Variants in ACTA2 observed in about 807,000 individuals in gnomAD.
The protein encoded by ACTA2 is actin alpha 2, smooth muscle, also known as actin, aortic smooth muscle.
Under a neutral mutation model 39.5 loss-of-function variants are expected in ACTA2, and 12 were observed. The observed-to-expected ratio is 0.30, with a 90% CI of 0.19 to 0.49. The LOEUF (loss-of-function observed/expected upper bound fraction) is 0.49. ACTA2 is among the 20% of genes least tolerant of loss of function. The pLI, the probability that ACTA2 is intolerant of heterozygous loss-of-function variation, is 0.99. For synonymous variants in ACTA2, 158 were observed against 180.6 expected (o/e 0.88, Z 1.00); for missense variants, 236 against 498.8 (o/e 0.47, Z 5.02).
chr10:88,940,792 G>T, intron 6 of ACTA2: 1 of 282,512 alleles, frequency 3.5e-6, no homozygotes, highest in Non-Finnish European at 7.0e-6. Context: ...ATGTGATATA[G>T]GGTCTATTAT....
intron 1 of ACTA2, among the ~76,000 whole-genome samples, chr10:88,972,456 A>T (rs953457234): frequency 6.6e-6 from 1 of 152,124 alleles, no homozygotes; most frequent in African/African-American, 2.4e-5. Flanking sequence ...TATTTGATAC[A>T]GTTCGATTTA....
chr10:88,941,713 G>A lies in ACTA2; in HGVS notation c.454+72C>T, dbSNP rs776477704. The A allele has an allele frequency of 4.5e-5, 61 of 1,356,690 alleles. No individual in the cohort carries two copies. The Admixed American group carries it at 1.0e-3, about 23-fold the overall frequency. The allele number at this position is 1,356,690 out of a possible 1,614,324, so 84.0% of individuals were successfully genotyped here. A position where few individuals can be genotyped will look rare whatever the true frequency, so the allele number is the denominator to read the frequency against. On this transcript the variant is annotated intron_variant, in intron 5 of 8. Transcript: ENST00000224784. Reference sequence around the variant, plus strand: ...CTCAACTCCAGTCCGTCACCCCCACGTGTTAACGACCATTCAATCCCATCT... The same window carrying A: ...CTCAACTCCAGTCCGTCACCCCCACATGTTAACGACCATTCAATCCCATCT...
Position 88,970,898 on chromosome 10 carries a change from T to C in ACTA2, c.-24+20041A>G, listed in dbSNP as rs572090793. Among the ~76,000 whole-genome samples the C allele has an allele frequency of 1.6e-4, 24 of 146,056 alleles. 1 individual carries two copies. The South Asian group carries it at 5.1e-3, about 31-fold the overall frequency. On this transcript the variant is annotated intron_variant, in intron 1 of 4. Transcript: ENST00000415557. ...AAGTGTGTGTGTGTGTGTGTGTGTGTATATATATAAAGAATTCCCCACTTA... is the reference window on the plus strand; with the variant it reads ...AAGTGTGTGTGTGTGTGTGTGTGTGCATATATATAAAGAATTCCCCACTTA...
chr10:88,979,468 T>C (rs554327102), intron 1 of ACTA2, among the ~76,000 whole-genome samples: 2 of 152,180 alleles, frequency 1.3e-5, no homozygotes, highest in Non-Finnish European at 2.9e-5. Context: ...CCTTAAAATG[T>C]AGGCTACTCA....
At chr10:88,975,543 G>A (rs374043481) in intron 1 of ACTA2, among the ~76,000 whole-genome samples, 2 of 152,310 alleles carry the variant, frequency 1.3e-5, no homozygotes, top group South Asian at 2.1e-4. Context: ...GGCATGGAGA[G>A]CAAAGGGAAC....
chr10:88,979,774 A>G (rs997596219), intron 1 of ACTA2, among the ~76,000 whole-genome samples: 2 of 152,216 alleles, frequency 1.3e-5, no homozygotes, highest in African/African-American at 4.8e-5. Context: ...CCATTTGTTT[A>G]GTCCTGACTC....
intron 1 of ACTA2, among the ~76,000 whole-genome samples, chr10:88,976,841 A>C (rs1846575956): frequency 6.6e-6 from 1 of 152,262 alleles, no homozygotes; most frequent in African/African-American, 2.4e-5. Flanking sequence ...ATTGAATAAA[A>C]TAATTCTTTC....
chr10:88,953,108 G>C (rs1006597437), upstream of ACTA2, among the ~76,000 whole-genome samples: 2 of 152,256 alleles, frequency 1.3e-5, no homozygotes, highest in African/African-American at 4.8e-5. Flanking sequence ...GAGGATGCCA[G>C]CTTGCTATCA....
chr10:88,941,455 T>A, intron 5 of ACTA2, 65 bp from the exon 6 acceptor site: 1 of 1,598,622 alleles, frequency 6.3e-7, no homozygotes. Context: ...GCTGGACAAG[T>A]AGAGGGAAGC....
chr10:88,983,753 A>G (rs569778432), intron 1 of ACTA2, among the ~76,000 whole-genome samples: 2 of 152,056 alleles, frequency 1.3e-5, no homozygotes, highest in Non-Finnish European at 2.9e-5. Context: ...ATTCCTTTCA[A>G]CATATTTGTG....
At chr10:88,971,062 G>A (rs1401637653) in intron 1 of ACTA2, among the ~76,000 whole-genome samples, 5 of 152,124 alleles carry the variant, frequency 3.3e-5, no homozygotes, top group African/African-American at 1.2e-4. Context: ...TCTACAGATG[G>A]CACAAATAAT....
At chr10:88,953,746 T>C (rs1322094067), upstream of ACTA2, among the ~76,000 whole-genome samples, 1 of 152,180 alleles carries the variant, frequency 6.6e-6, no homozygotes, top group Admixed American at 6.5e-5. Flanking sequence ...TCCCATGCTG[T>C]TCTCATGAAA....
In ACTA2 at chr10:88,947,259, T is replaced by C. The variant is rs1554841831; in HGVS notation, c.257A>G (p.Lys86Arg). ...GIITNWDDME[K>R]IWHHSFYNEL... ...CAAGCTGCAGCAAACCTCCCATACC[T>C]TTTCCATGTCGTCCCAGTTGGTGAT... Residue 86 changes from lysine to arginine, a missense_variant and splice_region_variant, in exon 3 of 9, where the codon AAG becomes AGG. By Grantham distance (26) the Lys-to-Arg change is conservative. Transcript: ENST00000224784. 1.2e-6 allele frequency: 2 copies of C among 1,613,794 alleles called. No individual in the cohort carries two copies. The highest frequency in any genetic ancestry group is 1.7e-6 in the Non-Finnish European group (2 of 1,179,776).
chr10:88,949,096 G>A (rs1589400702), intron 1 of ACTA2, 143 bp from the exon 2 acceptor site: 1 of 700,950 alleles, frequency 1.4e-6, no homozygotes, highest in Non-Finnish European at 2.4e-6. Flanking sequence ...AATATAGCAT[G>A]TATCTGGAAG....
intron 1 of ACTA2, among the ~76,000 whole-genome samples, chr10:88,989,140 A>T (rs1480191490): frequency 1.3e-5 from 2 of 152,210 alleles, no homozygotes; most frequent in Non-Finnish European, 2.9e-5. Context: ...TAAGTTTAAT[A>T]ATCACTCATC....
chr10:88,941,959 G>A, intron 4 of ACTA2, 90 bp from the exon 5 acceptor site: 1 of 1,222,520 alleles, frequency 8.2e-7, no homozygotes, highest in Non-Finnish European at 1.2e-6. Flanking sequence ...GGATGCAGAG[G>A]GGCCTGACCT....
intron 3 of ACTA2, among the ~76,000 whole-genome samples, chr10:88,944,963 T>C (rs777864818): frequency 2.7e-4 from 41 of 152,358 alleles, no homozygotes; most frequent in Middle Eastern, 3.4e-3. Context: ...TTAAAGACTA[T>C]CTTATTCCAC....
At chr10:88,956,374 C>G (rs369290471), upstream of ACTA2, among the ~76,000 whole-genome samples, 1 of 152,188 alleles carries the variant, frequency 6.6e-6, no homozygotes, top group Non-Finnish European at 1.5e-5. Context: ...TTCTTCAAAG[C>G]CTGCAGCAGA....
At chr10:88,959,396 G>T (rs1846191357) in intron 1 of ACTA2, among the ~76,000 whole-genome samples, 1 of 152,084 alleles carries the variant, frequency 6.6e-6, no homozygotes, top group Non-Finnish European at 1.5e-5. Flanking sequence ...ATAGACCAGG[G>T]ATCCCAAAAT....
Sources: gnomAD v4.1 joint callset for allele counts (sites outside exome capture counted in the v4.1 genomes callset) on GRCh38, gnomAD v4.1.1 for gene constraint, MANE v1.5 for transcripts, NCBI Gene and HGNC (gene_info 2026-07-23, HGNC 2026-07-21) for gene names.